PINX1: variants seen among roughly 807,000 people sequenced by gnomAD.
The protein encoded by PINX1 is PIN2/TERF1-interacting telomerase inhibitor 1.
In PINX1, 34 loss-of-function variants were observed where a neutral mutation model predicts 25.4. The observed-to-expected ratio is 1.34, with a 90% CI of 1.02 to 1.78. The LOEUF (loss-of-function observed/expected upper bound fraction) is 1.78. PINX1 is among the 40% of genes most tolerant of loss of function. The pLI, the probability that PINX1 is intolerant of heterozygous loss-of-function variation, is 0.00. For missense variants in PINX1, 592 were observed against 404.9 expected (o/e 1.46, Z -3.97); for synonymous variants, 197 against 147.7 (o/e 1.33, Z -2.42).
At chr8:10,790,041 C>T (rs539255259) in intron 6 of PINX1, among the ~76,000 whole-genome samples, 13 of 152,252 alleles carry the variant, frequency 8.5e-5, no homozygotes, top group Middle Eastern at 3.4e-3. Flanking sequence ...CACAGCCAAG[C>T]GGCAGGTCCT....
chr8:10,803,357 A>G (rs1174860230), intron 6 of PINX1, among the ~76,000 whole-genome samples: 2 of 152,192 alleles, frequency 1.3e-5, no homozygotes, highest in Non-Finnish European at 2.9e-5. Context: ...AATGCGATCT[A>G]TCATCAGTTT....
intron 6 of PINX1, among the ~76,000 whole-genome samples, chr8:10,814,408 G>A (rs576917824): frequency 2.4e-4 from 36 of 152,296 alleles, no homozygotes; most frequent in African/African-American, 8.4e-4. Flanking sequence ...CACCAATGAA[G>A]TCAGAGGAGA....
intron 6 of PINX1, among the ~76,000 whole-genome samples, chr8:10,783,715 A>G (rs1393468124): frequency 6.6e-5 from 10 of 152,216 alleles, no homozygotes; most frequent in Non-Finnish European, 1.2e-4. Context: ...AGCAAGAAAA[A>G]CATCTGAGTT....
intron 1 of PINX1, among the ~76,000 whole-genome samples, chr8:10,835,989 T>C (rs1020316654): frequency 6.6e-6 from 1 of 152,130 alleles, no homozygotes; most frequent in African/African-American, 2.4e-5. Context: ...AACTGAAAAG[T>C]AGACTGTGGC....
At chr8:10,798,793 G>C (rs1407572519) in intron 6 of PINX1, among the ~76,000 whole-genome samples, 1 of 152,206 alleles carries the variant, frequency 6.6e-6, no homozygotes, top group Non-Finnish European at 1.5e-5. Flanking sequence ...CTGGGAGCTT[G>C]TTAAGAATGC....
At chr8:10,779,036 G>T (rs1485050343) in intron 6 of PINX1, among the ~76,000 whole-genome samples, 1 of 152,188 alleles carries the variant, frequency 6.6e-6, no homozygotes, top group African/African-American at 2.4e-5. Context: ...TCTGTTCCTA[G>T]GTTTAGAAAA....
chr8:10,782,938 T>G (rs1333721594), intron 6 of PINX1, among the ~76,000 whole-genome samples: 1 of 152,164 alleles, frequency 6.6e-6, no homozygotes, highest in Non-Finnish European at 1.5e-5. Context: ...ATATAAATAT[T>G]TATTCTGTCT....
intron 6 of PINX1, among the ~76,000 whole-genome samples, chr8:10,783,359 A>G (rs1475639283): frequency 2.6e-5 from 4 of 152,250 alleles, no homozygotes; most frequent in South Asian, 2.1e-4. Flanking sequence ...CACAGAAAGG[A>G]GAAGTGTCTG....
chr8:10,800,098 T>A lies in PINX1; in HGVS notation c.471+20095A>T, dbSNP rs1586167822. Among the ~76,000 whole-genome samples, 3 of 152,348 alleles carry A rather than the reference T, an allele frequency of 2.0e-5. No individual in the cohort carries two copies. The South Asian group carries it at 6.2e-4, about 32-fold the overall frequency. On this transcript the variant is annotated intron_variant, in intron 6 of 6. Transcript: ENST00000314787. The stretch of plus-strand genomic sequence containing the variant: ...ATCTGTTACTGCTAGTCTTTAGGAT[T>A]GTTTTCCTTCTCAGTTTTGATGGAA...
rs1047017313 is a variant in PINX1 at position 10,827,868 on chromosome 8, G to A, written c.302-1624C>T. ...AGAGCTTGCAGCGAGCCGAAATCACGCCACTGCACTCCAGCCTGGGTGACA... is the reference window on the plus strand; with the variant it reads ...AGAGCTTGCAGCGAGCCGAAATCACACCACTGCACTCCAGCCTGGGTGACA... On this transcript the variant is annotated intron_variant, in intron 4 of 6. Transcript: ENST00000314787. 3.6e-5 allele frequency among the ~76,000 whole-genome samples: 5 copies of A among 137,758 alleles called. No homozygotes were observed. In the South Asian group the frequency reaches 7.0e-4, roughly 19 times the overall value. 90.4% of individuals were successfully genotyped at this position (137,758 alleles called of 152,430 possible).
chr8:10,785,183 T>C (rs1801709860), intron 6 of PINX1, among the ~76,000 whole-genome samples: 1 of 152,218 alleles, frequency 6.6e-6, no homozygotes, highest in African/African-American at 2.4e-5. Flanking sequence ...TTATATAAGA[T>C]TACAATTTAA....
At chr8:10,797,319 AGG>A (rs1262750442) in intron 6 of PINX1, among the ~76,000 whole-genome samples, 1 of 152,196 alleles carries the variant, frequency 6.6e-6, no homozygotes, top group Non-Finnish European at 1.5e-5. Flanking sequence ...CTCAAATACA[AGG>A]CATTACTGTT....
intron 1 of PINX1, 121 bp from the exon 2 acceptor site, chr8:10,834,896 A>C (rs1798353772): frequency 3.1e-6 from 2 of 648,450 alleles, no homozygotes; most frequent in Non-Finnish European, 5.3e-6. Flanking sequence ...CATACATTAC[A>C]ATACAGAAAT....
intron 6 of PINX1, among the ~76,000 whole-genome samples, chr8:10,775,494 G>C (rs1455074419): frequency 7.5e-6 from 1 of 133,966 alleles, no homozygotes; most frequent in South Asian, 2.5e-4. Context: ...TTTTTATAAA[G>C]TTAAAAAAGT....
At chr8:10,786,010 C>G (rs1323832329) in intron 6 of PINX1, among the ~76,000 whole-genome samples, 1 of 152,206 alleles carries the variant, frequency 6.6e-6, no homozygotes, top group Non-Finnish European at 1.5e-5. Context: ...GAGCGCAGAG[C>G]TAGACCACGG....
rs577903692 is a variant in PINX1 at position 10,769,214 on chromosome 8, A to G, written c.472-3298T>C. On this transcript the variant is annotated intron_variant, in intron 6 of 6. Transcript: ENST00000314787. The stretch of plus-strand genomic sequence containing the variant: ...GTCTCTCTCTCTTTTTCAAATTCCA[A>G]TGCTTGCTGTTCAGCTAAAGGAGGT... 5.9e-5 allele frequency among the ~76,000 whole-genome samples: 9 copies of G among 152,268 alleles called. No homozygotes were observed. The South Asian group carries it at 1.0e-3, about 18-fold the overall frequency.
chr8:10,785,472 A>T (rs1421101534), intron 6 of PINX1, among the ~76,000 whole-genome samples: 3 of 152,232 alleles, frequency 2.0e-5, no homozygotes, highest in Non-Finnish European at 1.5e-5. Flanking sequence ...AGGCACAGGA[A>T]AATGTTTATT....
intron 6 of PINX1, among the ~76,000 whole-genome samples, chr8:10,788,862 C>A (rs1415508046): frequency 6.6e-6 from 1 of 152,206 alleles, no homozygotes; most frequent in Admixed American, 6.5e-5. Flanking sequence ...CCGCCAGAGA[C>A]CGCTACTAAT....
intron 6 of PINX1, among the ~76,000 whole-genome samples, chr8:10,779,595 T>C (rs762400657): frequency 8.5e-5 from 13 of 152,160 alleles, no homozygotes; most frequent in East Asian, 1.9e-4. Context: ...TCTGTAACTA[T>C]TGTGTGTATA....
Sources: allele counts gnomAD v4.1 joint callset (sites outside exome capture counted in the v4.1 genomes callset), GRCh38; gene constraint gnomAD v4.1.1; transcripts MANE v1.5; gene names NCBI Gene and HGNC (gene_info 2026-07-23, HGNC 2026-07-21).